PRR5L: variants seen among roughly 807,000 people sequenced by gnomAD.
PRR5L encodes the protein proline rich 5 like.
A neutral mutation model predicts 36.4 loss-of-function variants in PRR5L; 21 were observed. The ratio of observed to expected loss-of-function variants is 0.58; its 90% confidence interval spans 0.41 to 0.83. The LOEUF (loss-of-function observed/expected upper bound fraction) is 0.83. Ranked by LOEUF, PRR5L falls within the 40% of genes least tolerant of loss-of-function variation. The probability of loss-of-function intolerance (pLI) is 0.00; values close to 1 mark genes in which losing one functional copy is unlikely to be tolerated. For synonymous variants in PRR5L, 188 were observed against 197.0 expected, an observed-to-expected ratio of 0.95 and a Z score of 0.38; for missense variants, 381 against 473.3, an observed-to-expected ratio of 0.80 and a Z score of 1.81.
chr11:36,400,316 A>AT (rs1471959941), intron 1 of PRR5L, among the ~76,000 whole-genome samples: 2 of 152,196 alleles, frequency 1.3e-5, no homozygotes, highest in African/African-American at 4.8e-5. Context: ...TAGCTGCTCA[A>AT]TAAATATTTA....
intron 1 of PRR5L, among the ~76,000 whole-genome samples, chr11:36,351,410 T>G (rs1199650759): frequency 2.5e-5 from 2 of 80,738 alleles, no homozygotes; most frequent in Non-Finnish European, 4.2e-5. Flanking sequence ...TATAAATATA[T>G]ATGTATATAT....
chr11:36,369,755 T>C (rs990880226), intron 1 of PRR5L, among the ~76,000 whole-genome samples: 14 of 152,062 alleles, frequency 9.2e-5, no homozygotes, highest in African/African-American at 3.4e-4. Flanking sequence ...CCACCATGCC[T>C]GGCTAATTGT....
At chr11:36,318,189 C>T (rs1417373069) in intron 1 of PRR5L, among the ~76,000 whole-genome samples, 4 of 152,070 alleles carry the variant, frequency 2.6e-5, no homozygotes, top group African/African-American at 9.7e-5. Context: ...AAGGCTGTAC[C>T]ATCTAGGTTT....
chr11:36,452,825 T>G (rs546810402), intron 8 of PRR5L, among the ~76,000 whole-genome samples: 1 of 152,304 alleles, frequency 6.6e-6, no homozygotes, highest in East Asian at 1.9e-4. Context: ...AAGCTCTTAG[T>G]TGGAACAGAA....
At chr11:36,309,370 A>G (rs1238330994) in intron 1 of PRR5L, among the ~76,000 whole-genome samples, 4 of 152,240 alleles carry the variant, frequency 2.6e-5, no homozygotes, top group Admixed American at 2.0e-4. Context: ...ACAGCTGTGT[A>G]CTAGTTTAGC....
intron 1 of PRR5L, among the ~76,000 whole-genome samples, chr11:36,382,211 G>A (rs1385743582): frequency 6.6e-6 from 1 of 152,186 alleles, no homozygotes; most frequent in African/African-American, 2.4e-5. Context: ...AGAGAGGCAG[G>A]GTTGTTGAAT....
intron 5 of PRR5L, among the ~76,000 whole-genome samples, chr11:36,436,479 C>T (rs185510035): frequency 6.6e-6 from 1 of 152,346 alleles, no homozygotes; most frequent in East Asian, 1.9e-4. Context: ...ATAGCTTAGG[C>T]TTCCTGATCC....
intron 4 of PRR5L, among the ~76,000 whole-genome samples, chr11:36,426,721 A>G (rs1354564152): frequency 6.6e-6 from 1 of 152,234 alleles, no homozygotes; most frequent in Non-Finnish European, 1.5e-5. Context: ...AAAGACTGTA[A>G]GACAGTGTCT....
chr11:36,325,076 C>T (rs1362300475), intron 1 of PRR5L, among the ~76,000 whole-genome samples: 2 of 152,138 alleles, frequency 1.3e-5, no homozygotes. Context: ...GCCTCGTGTT[C>T]TCTGACCTGG....
intron 1 of PRR5L, among the ~76,000 whole-genome samples, chr11:36,351,290 AT>A (rs1565407286): frequency 4.0e-5 from 1 of 24,920 alleles, no homozygotes; most frequent in Non-Finnish European, 6.5e-5. Context: ...ATGTATATTT[AT>A]ATATTTATAT....
chr11:36,335,096 T>C (rs1178510153), intron 1 of PRR5L, among the ~76,000 whole-genome samples: 1 of 148,796 alleles, frequency 6.7e-6, no homozygotes, highest in African/African-American at 2.6e-5. Context: ...GAGATTTTTT[T>C]TTTCTTTTAA....
chr11:36,316,648 T>C (rs1856560632), intron 1 of PRR5L, among the ~76,000 whole-genome samples: 1 of 152,128 alleles, frequency 6.6e-6, no homozygotes. Context: ...ATCCATCCAG[T>C]GCAGGGTCTG....
chr11:36,454,865 C>G (rs552282866), intron 8 of PRR5L: 1 of 152,356 alleles, frequency 6.6e-6, no homozygotes, highest in South Asian at 2.1e-4. Flanking sequence ...GAGAACGTGC[C>G]GCTCTCTCCA....
chr11:36,449,023 C>T lies in PRR5L; in HGVS notation c.586-2186C>T, dbSNP rs1342560793. Among the ~76,000 whole-genome samples the T allele has an allele frequency of 2.0e-5, 3 of 152,210 alleles. No homozygotes were observed. In the East Asian group the frequency reaches 5.8e-4, roughly 29 times the overall value. Reference sequence around the variant, plus strand: ...CATCCTACAGACCATTAAAGATCGTCCCTCTCTCCTGCAGGGCATCTGGCA... The same window carrying T: ...CATCCTACAGACCATTAAAGATCGTTCCTCTCTCCTGCAGGGCATCTGGCA... On this transcript the variant is annotated intron_variant, in intron 7 of 8. Transcript: ENST00000530639.
chr11:36,328,508 T>G (rs1304077568), intron 1 of PRR5L, among the ~76,000 whole-genome samples: 1 of 152,196 alleles, frequency 6.6e-6, no homozygotes, highest in Non-Finnish European at 1.5e-5. Flanking sequence ...GCTCCCTCTT[T>G]GTTTTCCACC....
Position 36,401,268 on chromosome 11 carries a change from C to T in PRR5L, c.147C>T (p.Ser49=), listed in dbSNP as rs371553701. ...QAARQALQLS[S]SSAWNSVQTA... ...CTCGGCAGGCTCTGCAGCTGAGCTC[C>T]AGCTCAGCCTGGAACAGGTGAAGGA... Residue 49 remains serine, a synonymous_variant, in exon 2 of 9, where the codon TCC becomes TCT. Coordinates refer to ENST00000530639, the MANE Select transcript of PRR5L (RefSeq NM_001160167.2). The T allele has an allele frequency of 6.2e-7, 1 of 1,611,948 alleles. No individual in the cohort carries two copies. Among genetic ancestry groups the T allele is most frequent in the African/African-American group, 1.3e-5 (1 of 75,020 alleles).
At position 36,451,341 on chromosome 11, in the gene PRR5L, G is replaced by C; in HGVS notation, c.712+6G>C. The C allele has an allele frequency of 6.2e-7, 1 of 1,613,890 alleles. No homozygotes were observed. The highest frequency in any genetic ancestry group is 8.5e-7 in the Non-Finnish European group (1 of 1,179,898). On this transcript the variant is annotated splice_donor_region_variant and intron_variant, in intron 8 of 8. Transcript: ENST00000530639. ...AGGCCCCACGTACACGCTGGGTAAGGAGTGCAGCTCTCAAGTTGTCAAGAG... is the reference window on the plus strand; with the variant it reads ...AGGCCCCACGTACACGCTGGGTAAGCAGTGCAGCTCTCAAGTTGTCAAGAG...
chr11:36,362,485 G>A (rs1219717761), intron 1 of PRR5L, among the ~76,000 whole-genome samples: 1 of 152,002 alleles, frequency 6.6e-6, no homozygotes, highest in African/African-American at 2.4e-5. Context: ...AAGGAGAACC[G>A]GAGACAGTAT....
chr11:36,365,981 C>G (rs1341826963), intron 1 of PRR5L, among the ~76,000 whole-genome samples: 2 of 152,188 alleles, frequency 1.3e-5, no homozygotes, highest in African/African-American at 4.8e-5. Context: ...ACTTTCTGCT[C>G]TTGCAGAAAT....
Sources: gnomAD v4.1 joint callset for allele counts (sites outside exome capture counted in the v4.1 genomes callset) on GRCh38, gnomAD v4.1.1 for gene constraint, MANE v1.5 for transcripts, NCBI Gene and HGNC (gene_info 2026-07-23, HGNC 2026-07-21) for gene names.